Variants in HYOU1 observed in about 807,000 individuals in gnomAD.
HYOU1 encodes hypoxia up-regulated protein 1.
HYOU1 carries 40 observed loss-of-function variants against 120.5 expected under a neutral mutation model. That is an observed-to-expected ratio of 0.33 (90% confidence interval 0.26 to 0.43). HYOU1 has a LOEUF of 0.43. HYOU1 is among the 20% of genes least tolerant of loss of function. The probability of loss-of-function intolerance (pLI) is 1.00; values close to 1 mark genes in which losing one functional copy is unlikely to be tolerated. For missense variants in HYOU1, 1,085 were observed against 1,278.3 expected (o/e 0.85, Z 2.31); for synonymous variants, 501 against 479.4 (o/e 1.05, Z -0.59).
chr11:119,047,871 T>C (rs2133559095), intron 21 of HYOU1, 53 bp from the exon 22 acceptor site: 171 of 1,612,486 alleles, frequency 1.1e-4, no homozygotes, highest in Admixed American at 1.3e-4. Context: ...GCCTGGAGTG[T>C]GGGGAGTGGG....
At chr11:119,056,036 T>C (rs1311083090) in intron 2 of HYOU1, 34 bp downstream of exon 2, 4 of 1,573,642 alleles carry the variant, frequency 2.5e-6, no homozygotes, top group East Asian at 4.5e-5. Flanking sequence ...TCAGTCATCA[T>C]TTATCCATTT....
chr11:119,050,596 G>GT (rs1295703589), intron 14 of HYOU1, among the ~76,000 whole-genome samples: 12 of 150,936 alleles, frequency 8.0e-5, no homozygotes, highest in African/African-American at 2.9e-4. Context: ...TGGCACATAC[G>GT]TATCGTCCCA....
Position 119,051,337 on chromosome 11 carries a change from G to T in HYOU1, c.1526+101C>A. The T allele has an allele frequency of 6.7e-7, 1 of 1,484,654 alleles. No homozygotes were observed. The highest frequency in any genetic ancestry group is 9.2e-7 in the Non-Finnish European group (1 of 1,082,252). 92.0% of individuals were successfully genotyped at this position (1,484,654 alleles called of 1,614,324 possible). On this transcript the variant is annotated intron_variant, in intron 13 of 25. Coordinates refer to ENST00000617285, the MANE Select transcript of HYOU1 (RefSeq NM_006389.5). This position sits in a 1 kb window ranked among gnomAD's most constrained non-coding sequence, Gnocchi z 4.2. ...AGCTGATCATAGCTGCCCTGTTTCAGCCCCGCAGGCCCACATCCTCCCTCA... is the reference window on the plus strand; with the variant it reads ...AGCTGATCATAGCTGCCCTGTTTCATCCCCGCAGGCCCACATCCTCCCTCA...
chr11:119,045,616 G>A lies in HYOU1; in HGVS notation c.2977C>T (p.Pro993Ser). Reference sequence around the variant, plus strand: ...GGTTATAGTTCGTCGTTCTTCAAAGGCCGCTTCTGTCCTGTCGATTGTTCT... The same window carrying A: ...GGTTATAGTTCGTCGTTCTTCAAAGACCGCTTCTGTCCTGTCGATTGTTCT... Reference protein sequence around the residue: ...QKEQSTGQKRPLKNDEL With the variant: ...QKEQSTGQKRSLKNDEL The change falls in exon 26 of 26, where the codon CCT (proline) becomes TCT (serine). Residue 993 changes from proline to serine, a missense_variant. Around this residue, in one of 4 missense-constraint regions of HYOU1, gnomAD observed 516 missense variants for 517.1 expected, o/e 1.00. Coordinates refer to ENST00000617285, the MANE Select transcript of HYOU1 (RefSeq NM_006389.5). 6.2e-7 allele frequency: 1 copy of A among 1,614,208 alleles called. No individual in the cohort carries two copies. The highest frequency in any genetic ancestry group is 1.1e-5 in the South Asian group (1 of 91,080).
At position 119,056,108 on chromosome 11, in the gene HYOU1, A is replaced by G. The variant is rs1440239303; in HGVS notation, c.53T>C (p.Leu18Ser). The G allele has an allele frequency of 6.2e-7, 1 of 1,614,038 alleles. No homozygotes were observed. Among genetic ancestry groups the G allele is most frequent in the African/African-American group, 1.3e-5 (1 of 74,946 alleles). ...QRPRRRVCWA[L>S]VAVLLADLLA... ...CAGGTCTGCCAAGAGCACAGCCACC[A>G]AGGCCCAACAGACTCGCCTCCTCGG... is the stretch of plus-strand genomic sequence containing the variant. The change falls in exon 2 of 26, where the codon TTG becomes TCG. Residue 18 changes from leucine (L) to serine (S), a missense_variant. Around this residue, in one of 4 missense-constraint regions of HYOU1, gnomAD observed 45 missense variants for 49.2 expected, o/e 0.91. Transcript: ENST00000617285.
intron 1 of HYOU1, chr11:119,056,681 G>C: frequency 3.5e-6 from 1 of 289,270 alleles, no homozygotes; most frequent in Admixed American, 4.7e-5. Context: ...CCTGCGGGTT[G>C]TCCCGCCCCC....
In HYOU1 at chr11:119,046,391, G is replaced by A. The variant is rs2133549541; in HGVS notation, c.2887+26C>T. ...CCCTGGGCTAATGCAACATCCACGT[G>A]CTCAACCATGGTTGCTCCAACTCAC... is the stretch of plus-strand genomic sequence containing the variant. On this transcript the variant is annotated intron_variant, in intron 24 of 25. Coordinates refer to ENST00000617285, the MANE Select transcript of HYOU1 (RefSeq NM_006389.5). The A allele has an allele frequency of 2.2e-5, 36 of 1,612,134 alleles. No individual in the cohort carries two copies. The African/African-American group carries it at 2.9e-4, about 13-fold the overall frequency.
chr11:119,054,000 G>T, intron 8 of HYOU1, 121 bp downstream of exon 8: 1 of 641,844 alleles, frequency 1.6e-6, no homozygotes, highest in Non-Finnish European at 2.8e-6. Context: ...AATGACTGAT[G>T]CCTCAATCAG....
At chr11:119,045,864 G>A (rs2133545664) in intron 24 of HYOU1, 33 bp from the exon 25 acceptor site, 1 of 1,608,124 alleles carries the variant, frequency 6.2e-7, no homozygotes, top group Non-Finnish European at 8.5e-7. Flanking sequence ...AGTCTCCTCA[G>A]AAGGGAGGAA....
intron 1 of HYOU1, 181 bp downstream of exon 1, chr11:119,056,839 G>A (rs1414322412): frequency 5.6e-6 from 1 of 177,636 alleles, no homozygotes; most frequent in African/African-American, 2.4e-5. Flanking sequence ...CCCGGAAACG[G>A]ATCCCGGCCC....
In HYOU1 at chr11:119,048,531, T is replaced by C. The variant is rs2133565130; in HGVS notation, c.2198A>G (p.Lys733Arg). The C allele has an allele frequency of 1.2e-6, 2 of 1,614,090 alleles. No individual in the cohort carries two copies. The highest frequency in any genetic ancestry group is 3.3e-5 in the Admixed American group (2 of 60,008). The change falls in exon 19 of 26, where the codon AAG (lysine) becomes AGG (arginine). Residue 733 changes from lysine to arginine, a missense_variant. Transcript: ENST00000617285. This position sits in a 1 kb window ranked among gnomAD's most constrained non-coding sequence, Gnocchi z 4.7. ...LQDLTLRDLE[K>R]QEREKAANSL... ...GTTGGCAGCTTTTTCCCGTTCCTGCTTCTCCAGGTCTCGGAGTGTCAAGTC... is the reference window on the plus strand; with the variant it reads ...GTTGGCAGCTTTTTCCCGTTCCTGCCTCTCCAGGTCTCGGAGTGTCAAGTC...
chr11:119,052,761 T>C lies in HYOU1; in HGVS notation c.863A>G (p.Asn288Ser), dbSNP rs2133595493. The change falls in exon 9 of 26, where the codon AAT becomes AGT. Residue 288 changes from asparagine (N) to serine (S), a missense_variant. By Grantham distance (46) the Asn-to-Ser change is conservative. Around this residue, in one of 4 missense-constraint regions of HYOU1, gnomAD observed 515 missense variants for 677.8 expected, o/e 0.76. Coordinates refer to ENST00000617285, the MANE Select transcript of HYOU1 (RefSeq NM_006389.5). This position sits in a 1 kb window ranked among gnomAD's most constrained non-coding sequence, Gnocchi z 5.0. ...RLRERLAGLF[N>S]EQRKGQRAKD... ...TGCTCTCTGACCCTTGCGCTGCTCA[T>C]TGAAAAGCCCAGCCAGGCGTTCTCG... The C allele has an allele frequency of 3.7e-6, 6 of 1,614,106 alleles. No homozygotes were observed. The highest frequency in any genetic ancestry group is 2.2e-5 in the East Asian group (1 of 44,900).
Position 119,049,125 on chromosome 11 carries a change from G to A in HYOU1, c.1885C>T (p.Pro629Ser), listed in dbSNP as rs2133569807. 1.2e-6 allele frequency: 2 copies of A among 1,613,880 alleles called. No individual in the cohort carries two copies. The highest frequency in any genetic ancestry group is 3.3e-5 in the Admixed American group (2 of 59,978). Reference sequence around the variant, plus strand: ...GGGGGCTGAGAGCCATCCTCCACTGGGGCCTCAGCTTCCTCCTTGAGCTCC... The same window carrying A: ...GGGGGCTGAGAGCCATCCTCCACTGAGGCCTCAGCTTCCTCCTTGAGCTCC... ...QVELKEEAEA[P>S]VEDGSQPPPP... The change falls in exon 17 of 26, where the codon CCA (proline) becomes TCA (serine). Residue 629 changes from proline to serine, a missense_variant. Pro to Ser is a moderately conservative substitution (Grantham distance 74, BLOSUM62 -1). Transcript: ENST00000617285.
rs2133610441 is a variant in HYOU1, at chr11:119,055,153, G to T, written c.419+32C>A. ...CACCAATGAGGAGCCCAGCAGCGTT[G>T]CCGAGACCACCTTCCCCAACAGAGC... On this transcript the variant is annotated intron_variant, in intron 5 of 25. Transcript: ENST00000617285. The surrounding 1 kb of genome is among the most constrained non-coding windows in gnomAD (Gnocchi z 4.0). 4.3e-6 allele frequency: 7 copies of T among 1,611,468 alleles called. No individual in the cohort carries two copies. Among genetic ancestry groups the T allele is most frequent in the Middle Eastern group, 3.3e-4 (2 of 6,072 alleles).
chr11:119,046,245 C>T (rs1225139757), intron 24 of HYOU1, among the ~76,000 whole-genome samples, 172 bp downstream of exon 24: 2 of 148,604 alleles, frequency 1.3e-5, no homozygotes, highest in African/African-American at 2.5e-5. Context: ...GGATTACAGG[C>T]GTGAGCCACC....
chr11:119,056,411 C>A (rs1255669162), intron 1 of HYOU1: 9 of 595,446 alleles, frequency 1.5e-5, no homozygotes, highest in Non-Finnish European at 2.8e-5. Flanking sequence ...CATCCCTAAA[C>A]AGAGAAGCTA....
At position 119,045,473 on chromosome 11, in the gene HYOU1, G is replaced by T; in HGVS notation, c.*120C>A. 1 of 872,134 alleles carries T rather than the reference G, an allele frequency of 1.1e-6. No individual in the cohort carries two copies. The allele number at this position is 872,134 out of a possible 1,614,324, so 54.0% of individuals were successfully genotyped here. On this transcript the variant is annotated 3_prime_UTR_variant, in exon 26 of 26. Transcript: ENST00000617285. Reference sequence around the variant, plus strand: ...CCCTTCTCCACACCTCCAAATCACAGGGGTGAGAAAGGAACTCCAGCCGAG... The same window carrying T: ...CCCTTCTCCACACCTCCAAATCACATGGGTGAGAAAGGAACTCCAGCCGAG...
chr11:119,047,192 C>T (rs186397396), intron 22 of HYOU1: 37 of 199,878 alleles, frequency 1.9e-4, no homozygotes, highest in Admixed American at 1.7e-3. Context: ...GTAGCTAGGA[C>T]TACAGGCGAC....
rs990067290 is a variant in HYOU1 at position 119,045,979 on chromosome 11, G to A, written c.2888-148C>T. On this transcript the variant is annotated intron_variant, in intron 24 of 25. Transcript: ENST00000617285. ...TCTCTTTGCCTACTCTGTTTTTTGAGACAGAGTCTCTGTTGCCCAGGCTGG... is the reference window on the plus strand; with the variant it reads ...TCTCTTTGCCTACTCTGTTTTTTGAAACAGAGTCTCTGTTGCCCAGGCTGG... 9.8e-6 allele frequency: 8 copies of A among 818,400 alleles called. No homozygotes were observed. The East Asian group carries it at 1.1e-4, about 11-fold the overall frequency. The allele number at this position is 818,400 out of a possible 1,614,324, so 50.7% of individuals were successfully genotyped here.
Sources: allele counts gnomAD v4.1 joint callset (sites outside exome capture counted in the v4.1 genomes callset), GRCh38; gene constraint gnomAD v4.1.1; regional missense constraint gnomAD v4.1.1; non-coding constraint Gnocchi (gnomAD v3.1); transcripts MANE v1.5; gene names NCBI Gene and HGNC (gene_info 2026-07-23, HGNC 2026-07-21).